The following ATP8B4 variants were observed in gnomAD, a reference collection of about 807,000 sequenced individuals.
ATP8B4 encodes ATPase phospholipid transporting 8B4 (putative).
ATP8B4 carries 133 observed loss-of-function variants against 145.6 expected under a neutral mutation model. That is an observed-to-expected ratio of 0.91 (90% CI 0.79 to 1.05). ATP8B4 has a LOEUF of 1.05. Ranked by LOEUF, ATP8B4 falls within the 50% of genes least tolerant of loss-of-function variation. ATP8B4 has a pLI of 0.00. For missense variants in ATP8B4, 1,458 were observed against 1,425.2 expected (o/e 1.02, Z -0.37); for synonymous variants, 507 against 492.9 (o/e 1.03, Z -0.38).
intron 14 of ATP8B4, among the ~76,000 whole-genome samples, chr15:49,950,607 C>CAAAAAAAAAAAAAAA (rs1489232447): frequency 1.0e-5 from 1 of 96,450 alleles, no homozygotes; most frequent in African/African-American, 3.8e-5. Context: ...AAAAAACAAA[C>CAAAAAAAAAAAAAAA]AAACAAACAA....
intron 14 of ATP8B4, 57 bp from the exon 15 acceptor site, chr15:49,934,239 T>C: frequency 2.0e-6 from 3 of 1,530,644 alleles, no homozygotes; most frequent in Non-Finnish European, 2.6e-6. Flanking sequence ...TAATTATCTT[T>C]TAAAATTCAA....
In ATP8B4 at chr15:50,130,744, C is replaced by T. The variant is rs145425457; in HGVS notation, c.-42-23736G>A. Among the ~76,000 whole-genome samples, 1,229 of 151,902 alleles carry T rather than the reference C, an allele frequency of 8.1e-3. 19 individuals carry two copies. Among genetic ancestry groups the T allele is most frequent in the African/African-American group, 0.028 (1,167 of 41,406 alleles). ...TGAGTCGAGATGGTGCCACTGCACTCCAGCCTGGTGACAGAGCAAGGCTCT... is the reference window on the plus strand; with the variant it reads ...TGAGTCGAGATGGTGCCACTGCACTTCAGCCTGGTGACAGAGCAAGGCTCT... On this transcript the variant is annotated intron_variant, in intron 1 of 3. Transcript: ENST00000558829.
upstream of ATP8B4, among the ~76,000 whole-genome samples, chr15:50,122,360 G>A (rs532177554): frequency 2.0e-5 from 3 of 152,282 alleles, no homozygotes; most frequent in South Asian, 4.1e-4. Context: ...GGAATCAGAT[G>A]TGCAGATGAG....
At chr15:50,085,836 ATAG>A (rs1362398803) in intron 2 of ATP8B4, among the ~76,000 whole-genome samples, 2 of 116,546 alleles carry the variant, frequency 1.7e-5, no homozygotes, top group African/African-American at 6.6e-5. Flanking sequence ...TATATATGAT[ATAG>A]ATTATTTTAT....
chr15:50,032,294 C>T (rs2050508102), intron 6 of ATP8B4, among the ~76,000 whole-genome samples: 2 of 151,780 alleles, frequency 1.3e-5, no homozygotes, highest in Non-Finnish European at 2.9e-5. Flanking sequence ...ATTTGGTTTT[C>T]TGTTCCTGTG....
chr15:50,049,032 A>G (rs1192412147), intron 3 of ATP8B4, among the ~76,000 whole-genome samples: 1 of 152,242 alleles, frequency 6.6e-6, no homozygotes, highest in Non-Finnish European at 1.5e-5. Context: ...AGTAATTTGC[A>G]GAAAAAGTCC....
intron 6 of ATP8B4, among the ~76,000 whole-genome samples, chr15:50,018,068 C>T (rs2153578043): frequency 6.6e-6 from 1 of 150,410 alleles, no homozygotes; most frequent in African/African-American, 2.4e-5. Context: ...GCTCACTGCA[C>T]CCTTGACCTC....
At chr15:49,935,265 C>A (rs73396991) in intron 14 of ATP8B4, among the ~76,000 whole-genome samples, 1 of 151,992 alleles carries the variant, frequency 6.6e-6, no homozygotes, top group Non-Finnish European at 1.5e-5. Context: ...TGGAATATTA[C>A]GTATAATCTT....
intron 14 of ATP8B4, among the ~76,000 whole-genome samples, chr15:49,948,003 C>A (rs2413983): frequency 0.41 from 62,946 of 151,890 alleles, 13,629 homozygotes; most frequent in African/African-American, 0.47. Context: ...ATAATCCCTG[C>A]AACTATAAAA....
intron 23 of ATP8B4, among the ~76,000 whole-genome samples, chr15:49,881,312 T>C (rs2035378263): frequency 6.6e-6 from 1 of 152,064 alleles, no homozygotes. Flanking sequence ...CATGGGAAAA[T>C]AATTAGCAAG....
intron 6 of ATP8B4, among the ~76,000 whole-genome samples, chr15:50,027,038 C>G (rs2050059262): frequency 6.6e-6 from 1 of 152,168 alleles, no homozygotes. Context: ...CACCCTCTCA[C>G]CCCACCATTC....
intron 7 of ATP8B4, chr15:50,009,690 T>C (rs1281557947): frequency 6.6e-6 from 3 of 454,582 alleles, no homozygotes; most frequent in South Asian, 3.1e-5. Context: ...AAAAATAAGA[T>C]GGACAAGCAA....
In ATP8B4 at chr15:49,920,131, G is replaced by A. The variant is rs559543381; in HGVS notation, c.1923+115C>T. ...ATAAAGCATGATTCAGTGATTGAAA[G>A]AGAAACATCTGCTGTGTGCAAGATG... On this transcript the variant is annotated intron_variant, in intron 18 of 27. Transcript: ENST00000284509. 3 of 1,317,602 alleles carry A rather than the reference G, an allele frequency of 2.3e-6. No homozygotes were observed. The African/African-American group carries it at 4.4e-5, about 19-fold the overall frequency. 81.6% of individuals were successfully genotyped at this position (1,317,602 alleles called of 1,614,324 possible). A position where few individuals can be genotyped will look rare whatever the true frequency, so the allele number is the denominator to read the frequency against.
chr15:50,102,285 A>C (rs2056412235), intron 2 of ATP8B4, among the ~76,000 whole-genome samples: 1 of 152,128 alleles, frequency 6.6e-6, no homozygotes, highest in African/African-American at 2.4e-5. Context: ...AAACCACACA[A>C]AAGACAAATG....
intron 1 of ATP8B4, among the ~76,000 whole-genome samples, chr15:50,151,345 G>A (rs1008894101): frequency 6.6e-6 from 1 of 152,152 alleles, no homozygotes. Context: ...AGGCTAGGAA[G>A]CCAAACCAAG....
intron 2 of ATP8B4, among the ~76,000 whole-genome samples, chr15:50,084,243 T>C (rs1182598105): frequency 6.6e-6 from 1 of 152,176 alleles, no homozygotes; most frequent in East Asian, 1.9e-4. Flanking sequence ...ATCTCAGCTG[T>C]TCCTTCTAAT....
At chr15:49,906,134 A>G (rs577351659) in intron 20 of ATP8B4, among the ~76,000 whole-genome samples, 3 of 152,206 alleles carry the variant, frequency 2.0e-5, no homozygotes, top group Non-Finnish European at 4.4e-5. Context: ...TGTATATATC[A>G]TAGCATTTAA....
intron 13 of ATP8B4, among the ~76,000 whole-genome samples, chr15:49,970,042 G>A (rs1161811036): frequency 6.6e-6 from 1 of 152,168 alleles, no homozygotes; most frequent in Non-Finnish European, 1.5e-5. Context: ...CTCAATAGAT[G>A]CAGAAAAGGC....
intron 6 of ATP8B4, among the ~76,000 whole-genome samples, chr15:50,038,367 T>A (rs961260314): frequency 4.6e-5 from 7 of 152,234 alleles, no homozygotes; most frequent in African/African-American, 1.7e-4. Context: ...CTTATCACTA[T>A]CACTTGATAC....
Sources: allele counts gnomAD v4.1 joint callset (sites outside exome capture counted in the v4.1 genomes callset), GRCh38; gene constraint gnomAD v4.1.1; transcripts MANE v1.5; gene names NCBI Gene and HGNC (gene_info 2026-07-23, HGNC 2026-07-21).